Variants in PDIA5 observed in about 807,000 individuals in gnomAD.
The protein encoded by PDIA5 is protein disulfide-isomerase A5.
Under a neutral mutation model 77.6 loss-of-function variants are expected in PDIA5, and 58 were observed. The ratio of observed to expected loss-of-function variants is 0.75; its 90% CI spans 0.61 to 0.93. PDIA5 has a LOEUF of 0.93. PDIA5 is among the 40% of genes least tolerant of loss of function. The pLI is 0.00. For synonymous variants in PDIA5, 250 were observed against 252.1 expected (o/e 0.99, Z 0.08); for missense variants, 630 against 647.7 (o/e 0.97, Z 0.30).
chr3:123,153,038 G>A (rs927723646), intron 14 of PDIA5, among the ~76,000 whole-genome samples: 1 of 151,114 alleles, frequency 6.6e-6, no homozygotes, highest in East Asian at 1.9e-4. Flanking sequence ...CCTCTTGGAA[G>A]CATCTTCATG....
At chr3:123,156,838 G>T (rs540474329) in intron 15 of PDIA5, among the ~76,000 whole-genome samples, 2 of 152,242 alleles carry the variant, frequency 1.3e-5, no homozygotes, top group South Asian at 4.1e-4. Context: ...CCCCATTGAC[G>T]TGGCCCCTTT....
intron 12 of PDIA5, 79 bp from the exon 13 acceptor site, chr3:123,146,020 G>C (rs1272501049): frequency 1.5e-6 from 2 of 1,375,836 alleles, no homozygotes; most frequent in African/African-American, 2.9e-5. Context: ...TGGGTTGTGG[G>C]GGCAGCGTCT....
intron 15 of PDIA5, among the ~76,000 whole-genome samples, chr3:123,160,444 C>A (rs185819298): frequency 7.2e-6 from 1 of 139,086 alleles, no homozygotes; most frequent in African/African-American, 2.6e-5. Flanking sequence ...TGGCTTTACT[C>A]ATGCGGGGCT....
intron 15 of PDIA5, among the ~76,000 whole-genome samples, chr3:123,157,749 G>T (rs901701089): frequency 6.6e-6 from 1 of 152,218 alleles, no homozygotes; most frequent in Non-Finnish European, 1.5e-5. Flanking sequence ...ACCCCCTCCC[G>T]GGAGCTTACT....
intron 3 of PDIA5, among the ~76,000 whole-genome samples, chr3:123,093,525 T>C (rs1934351632): frequency 6.6e-6 from 1 of 152,202 alleles, no homozygotes. Context: ...AGGCTTATTG[T>C]AGGGAGTGCT....
chr3:123,160,255 G>T (rs1270690991), intron 15 of PDIA5, among the ~76,000 whole-genome samples: 1 of 152,042 alleles, frequency 6.6e-6, no homozygotes, highest in South Asian at 2.1e-4. Flanking sequence ...ACCCCTTCTC[G>T]GGCTTCCCTG....
intron 15 of PDIA5, among the ~76,000 whole-genome samples, chr3:123,159,599 C>A (rs1020660163): frequency 1.3e-5 from 2 of 152,182 alleles, no homozygotes; most frequent in African/African-American, 4.8e-5. Context: ...GGCTCCATTT[C>A]TATGTTGGAG....
At chr3:123,123,632 T>C (rs1935169562) in intron 8 of PDIA5, among the ~76,000 whole-genome samples, 2 of 152,176 alleles carry the variant, frequency 1.3e-5, no homozygotes, top group African/African-American at 4.8e-5. Flanking sequence ...GCTGAATTGG[T>C]GTATGAAAGC....
rs779516395 is a variant in PDIA5 at position 123,110,979 on chromosome 3, G to T, written c.516G>T (p.Pro172=). The change falls in exon 7 of 17, where the codon CCG becomes CCT. Residue 172 remains proline, a synonymous_variant. Coordinates refer to ENST00000316218, the MANE Select transcript of PDIA5 (RefSeq NM_006810.4). ...GGCTCCTGAAGAAGGAAGAGAAGCC[G>T]CTCCTGATCATGTTTTATGCCCCCT... is the stretch of plus-strand genomic sequence containing the variant. ...FRRLLKKEEK[P]LLIMFYAPWC... 6.8e-6 allele frequency: 11 copies of T among 1,613,632 alleles called. No homozygotes were observed. The highest frequency in any genetic ancestry group is 8.5e-6 in the Non-Finnish European group (10 of 1,179,804).
At position 123,067,143 on chromosome 3, in the gene PDIA5, A is replaced by G. The variant is rs1933586781; in HGVS notation, c.-22A>G. The G allele has an allele frequency of 8.0e-7, 1 of 1,245,360 alleles. No homozygotes were observed. Among genetic ancestry groups the G allele is most frequent in the Non-Finnish European group, 1.0e-6 (1 of 991,062 alleles). 77.1% of individuals were successfully genotyped at this position (1,245,360 alleles called of 1,614,324 possible). A position where few individuals can be genotyped will look rare whatever the true frequency, so the allele number is the denominator to read the frequency against. On this transcript the variant is annotated 5_prime_UTR_variant, in exon 1 of 17. Coordinates refer to ENST00000316218, the MANE Select transcript of PDIA5 (RefSeq NM_006810.4). ...GGGCGCCGGAGTGGAGAAAGGAGCCAGCGGTGGGCAGCGCTGCTGGGATGG... is the reference window on the plus strand; with the variant it reads ...GGGCGCCGGAGTGGAGAAAGGAGCCGGCGGTGGGCAGCGCTGCTGGGATGG...
intron 3 of PDIA5, among the ~76,000 whole-genome samples, chr3:123,093,550 G>A (rs1198698006): frequency 6.6e-6 from 1 of 152,198 alleles, no homozygotes; most frequent in Non-Finnish European, 1.5e-5. Flanking sequence ...AGGCTTGTAG[G>A]TGGCAGAAAT....
At chr3:123,150,478 G>A (rs2107986678) in intron 14 of PDIA5, 114 bp downstream of exon 14, 1 of 964,574 alleles carries the variant, frequency 1.0e-6, no homozygotes, top group Non-Finnish European at 1.5e-6. Context: ...TGGATCCCAG[G>A]GTCATCTCCA....
Position 123,089,257 on chromosome 3 carries a change from A to G in PDIA5, c.132A>G (p.Arg44=). The G allele has an allele frequency of 6.2e-7, 1 of 1,614,154 alleles. No homozygotes were observed. The change falls in exon 2 of 17, where the codon AGA becomes AGG. Residue 44 remains arginine (R), a synonymous_variant. Transcript: ENST00000316218. ...SDPKDLKKLL[R]TRNNVLVLYS... is the part of the protein sequence containing the mutation. Reference sequence around the variant, plus strand: ...CCAAGGACTTGAAAAAACTGCTCAGAACCCGGAATAATGTACTGGTGCTTT... The same window carrying G: ...CCAAGGACTTGAAAAAACTGCTCAGGACCCGGAATAATGTACTGGTGCTTT...
chr3:123,073,816 C>G (rs1933785528), intron 1 of PDIA5, among the ~76,000 whole-genome samples: 2 of 152,222 alleles, frequency 1.3e-5, no homozygotes, highest in African/African-American at 4.8e-5. Context: ...GTTCCTCCAA[C>G]CCCTTGGCGC....
chr3:123,151,871 G>A (rs1373299187), intron 14 of PDIA5, among the ~76,000 whole-genome samples: 1 of 117,878 alleles, frequency 8.5e-6, no homozygotes, highest in Non-Finnish European at 1.8e-5. Context: ...CTTCCTTCCT[G>A]CCCGCCTTCC....
intron 8 of PDIA5, 61 bp from the exon 9 acceptor site, chr3:123,124,005 G>A (rs898919325): frequency 9.7e-6 from 10 of 1,026,902 alleles, no homozygotes; most frequent in African/African-American, 9.4e-5. Flanking sequence ...CAGATGGCGT[G>A]TGGACTAGAG....
chr3:123,131,069 C>T (rs1304752783), intron 11 of PDIA5, among the ~76,000 whole-genome samples: 1 of 152,094 alleles, frequency 6.6e-6, no homozygotes, highest in Non-Finnish European at 1.5e-5. Flanking sequence ...GCCAGGAGTT[C>T]AAGACCAGCC....
chr3:123,100,903 G>A (rs1027179510), intron 3 of PDIA5, among the ~76,000 whole-genome samples: 4 of 152,220 alleles, frequency 2.6e-5, no homozygotes, highest in African/African-American at 7.2e-5. Context: ...GCCTCAGGTG[G>A]CTGTCGTACC....
At chr3:123,070,187 G>T (rs1009691561) in intron 1 of PDIA5, among the ~76,000 whole-genome samples, 1 of 151,988 alleles carries the variant, frequency 6.6e-6, no homozygotes, top group Non-Finnish European at 1.5e-5. Flanking sequence ...TGTTTATTAT[G>T]AAAACATTTT....
Sources: allele counts gnomAD v4.1 joint callset (sites outside exome capture counted in the v4.1 genomes callset), GRCh38; gene constraint gnomAD v4.1.1; transcripts MANE v1.5; gene names NCBI Gene and HGNC (gene_info 2026-07-23, HGNC 2026-07-21).